Variants in RBM45 observed in about 807,000 individuals in gnomAD.
RBM45 encodes the protein RNA-binding protein 45.
In RBM45, 39 loss-of-function variants were observed where a neutral mutation model predicts 58.5. The ratio of observed to expected loss-of-function variants is 0.67; its 90% CI spans 0.52 to 0.87. The LOEUF is 0.87. RBM45 is among the 40% of genes least tolerant of loss of function. The pLI is 0.00. For missense variants in RBM45, 481 were observed against 581.6 expected, an observed-to-expected ratio of 0.83 and a Z score of 1.78; for synonymous variants, 193 against 203.0, an observed-to-expected ratio of 0.95 and a Z score of 0.42.
In RBM45 at chr2:178,126,125, G is replaced by A; in HGVS notation, c.1374G>A (p.Met458Ile). Residue 458 changes from methionine to isoleucine, a missense_variant, in exon 9 of 10, where the codon ATG becomes ATA. By Grantham distance (10) the Met-to-Ile change is conservative. Coordinates refer to ENST00000286070, the MANE Select transcript of RBM45 (RefSeq NM_152945.4). The stretch of plus-strand genomic sequence containing the variant: ...TGAATGGGGTGAGACTTAAAGTTAT[G>A]CTGGCAGATTCGCCAAGAGAAGAAT... ...KILNGVRLKV[M>I]LADSPREESN... 1 of 1,614,072 alleles carries A rather than the reference G, an allele frequency of 6.2e-7. No individual in the cohort carries two copies. Among genetic ancestry groups the A allele is most frequent in the Non-Finnish European group, 8.5e-7 (1 of 1,179,956 alleles).
chr2:178,125,679 A>C (rs1390729136), intron 8 of RBM45: 1 of 534,790 alleles, frequency 1.9e-6, no homozygotes, highest in Non-Finnish European at 3.7e-6. Context: ...GGAGTAAATG[A>C]TCATATTTAT....
rs955291891 is a variant in RBM45 at position 178,127,138 on chromosome 2, G to A, written c.*8+954G>A. Among the ~76,000 whole-genome samples the A allele has an allele frequency of 7.9e-5, 12 of 151,922 alleles. No homozygotes were observed. The East Asian group carries it at 1.7e-3, about 22-fold the overall frequency. ...TTTTTAGTAGAGGCGGGGTTTCACC[G>A]TGTTTCGATCTCCTGACCTCATGAT... On this transcript the variant is annotated intron_variant, in intron 9 of 9. Coordinates refer to ENST00000286070, the MANE Select transcript of RBM45 (RefSeq NM_152945.4).
At chr2:178,128,151 A>G (rs551011562) in intron 9 of RBM45, among the ~76,000 whole-genome samples, 1 of 152,014 alleles carries the variant, frequency 6.6e-6, no homozygotes, top group African/African-American at 2.4e-5. Flanking sequence ...GACTACAGGC[A>G]TGTGCCACCA....
chr2:178,134,160 C>G (rs1308028177), downstream of RBM45, among the ~76,000 whole-genome samples: 2 of 152,116 alleles, frequency 1.3e-5, no homozygotes, highest in Non-Finnish European at 2.9e-5. Flanking sequence ...TCCATGTGAG[C>G]TAGCTAACCT....
At chr2:178,135,313 T>A (rs1178928667) in intron 3 of RBM45, among the ~76,000 whole-genome samples, 1 of 152,174 alleles carries the variant, frequency 6.6e-6, no homozygotes, top group Non-Finnish European at 1.5e-5. Flanking sequence ...AAAAAGAGTG[T>A]ACTAGGAAAG....
intron 4 of RBM45, 137 bp from the exon 5 acceptor site, chr2:178,121,043 C>A (rs545200098): frequency 4.5e-6 from 2 of 445,124 alleles, no homozygotes; most frequent in East Asian, 7.0e-5. Context: ...ATCGGTAGTT[C>A]TGATGACCAG....
Position 178,112,542 on chromosome 2 carries a change from G to C in RBM45, c.-5G>C, listed in dbSNP as rs1269800442. 1 of 1,611,642 alleles carries C rather than the reference G, an allele frequency of 6.2e-7. No homozygotes were observed. ...AGTGAGGCTCCTGCATTCGGGTGGA[G>C]CACCATGGACGAAGCTGGCAGCTCT... On this transcript the variant is annotated 5_prime_UTR_variant, in exon 1 of 10. Transcript: ENST00000286070.
Position 178,118,084 on chromosome 2 carries a change from T to G in RBM45, c.453T>G (p.Ile151Met), listed in dbSNP as rs1414352401. 6.2e-7 allele frequency: 1 copy of G among 1,611,986 alleles called. No individual in the cohort carries two copies. Among genetic ancestry groups the G allele is most frequent in the South Asian group, 1.1e-5 (1 of 90,824 alleles). The part of the protein sequence containing the change: ...KVYGDIEYCS[I>M]IKNKVTGESK... The stretch of plus-strand genomic sequence containing the variant: ...ATGGAGATATCGAGTATTGCAGCAT[T>G]ATTAAGAATAAAGTGACTGGAGAAA... Residue 151 changes from isoleucine to methionine, a missense_variant, in exon 3 of 10, where the codon ATT becomes ATG. Physicochemically the swap from Ile to Met is conservative, Grantham distance 10 (BLOSUM62 1). Coordinates refer to ENST00000286070, the MANE Select transcript of RBM45 (RefSeq NM_152945.4).
At chr2:178,138,425 A>T (rs1176540853) in exon 4 of RBM45, 1 of 152,190 alleles carries the variant, frequency 6.6e-6, no homozygotes, top group African/African-American at 2.4e-5. Flanking sequence ...AACTCGTTTT[A>T]ATAGAAGAAA....
exon 4 of RBM45, chr2:178,137,395 G>A (rs956913008): frequency 2.0e-5 from 3 of 152,130 alleles, no homozygotes; most frequent in African/African-American, 4.8e-5. Context: ...CAACAAAGAT[G>A]TGTACATATA....
At chr2:178,116,437 T>C in intron 2 of RBM45, 53 bp downstream of exon 2, 2 of 1,468,494 alleles carry the variant, frequency 1.4e-6, no homozygotes, top group Non-Finnish European at 1.8e-6. Flanking sequence ...CTGCATAGGT[T>C]GTATGGGTAC....
chr2:178,135,272 G>C (rs549406408), intron 3 of RBM45, among the ~76,000 whole-genome samples: 162 of 152,294 alleles, frequency 1.1e-3, no homozygotes, highest in African/African-American at 3.9e-3. Context: ...GAGCTGCTTT[G>C]GCAATATCAA....
chr2:178,113,483 A>T (rs958095896), intron 1 of RBM45, among the ~76,000 whole-genome samples: 1 of 150,874 alleles, frequency 6.6e-6, no homozygotes, highest in Admixed American at 6.6e-5. Flanking sequence ...AAGTGTTAAT[A>T]GCATACATTT....
rs143301316 is a variant in RBM45, at chr2:178,121,221, C to T, written c.715C>T (p.Arg239Ter). 80 of 1,578,858 alleles carry T rather than the reference C, an allele frequency of 5.1e-5. No individual in the cohort carries two copies. Among genetic ancestry groups the T allele is most frequent in the Non-Finnish European group, 6.0e-5 (70 of 1,160,932 alleles). ...TTCAAGTTTTGACAAGAATGATAGC[C>T]GAGGCCAGGAAGCAATCTCCAAACG... ...EFSSFDKNDSRGQEAISKRLS... is the reference protein window; with the variant it reads ...EFSSFDKNDS The change falls in exon 5 of 10, where the codon CGA becomes TGA. Residue 239 changes from arginine (R) to a stop codon, truncating the protein, a stop_gained. Coordinates refer to ENST00000286070, the MANE Select transcript of RBM45 (RefSeq NM_152945.4). LOFTEE classifies it high-confidence loss of function.
intron 7 of RBM45, 43 bp from the exon 8 acceptor site, chr2:178,124,084 A>G: frequency 1.3e-6 from 2 of 1,562,556 alleles, no homozygotes; most frequent in Non-Finnish European, 1.7e-6. Flanking sequence ...AAAAATCCCT[A>G]AAGGGCATTT....
At chr2:178,131,690 C>G (rs2088006928), downstream of RBM45, among the ~76,000 whole-genome samples, 1 of 152,196 alleles carries the variant, frequency 6.6e-6, no homozygotes. Flanking sequence ...TTTGCTTTTT[C>G]AGTACAACCT....
intron 3 of RBM45, among the ~76,000 whole-genome samples, chr2:178,119,252 T>C (rs1369036699): frequency 6.6e-6 from 1 of 152,166 alleles, no homozygotes; most frequent in Non-Finnish European, 1.5e-5. Flanking sequence ...CATAAGTGTA[T>C]GGTAGAGTCT....
chr2:178,116,101 A>G (rs2105899114), intron 1 of RBM45, among the ~76,000 whole-genome samples, 161 bp from the exon 2 acceptor site: 1 of 152,024 alleles, frequency 6.6e-6, no homozygotes, highest in East Asian at 1.9e-4. Flanking sequence ...GCCGTGAGCC[A>G]TGATCACACC....
intron 3 of RBM45, among the ~76,000 whole-genome samples, chr2:178,119,471 G>A (rs981628209): frequency 6.6e-6 from 1 of 152,332 alleles, no homozygotes; most frequent in East Asian, 1.9e-4. Context: ...CTGAGACACA[G>A]TTAACTAGGT....
Sources: gnomAD v4.1 joint callset for allele counts (sites outside exome capture counted in the v4.1 genomes callset) on GRCh38, gnomAD v4.1.1 for gene constraint, MANE v1.5 for transcripts, NCBI Gene and HGNC (gene_info 2026-07-23, HGNC 2026-07-21) for gene names.